The following RAD51B variants were observed in gnomAD, a reference collection of about 807,000 sequenced individuals.
The protein encoded by RAD51B is RAD51 paralog B.
In RAD51B, 38 loss-of-function variants were observed where a neutral mutation model predicts 42.2. The observed-to-expected ratio is 0.90, with a 90% confidence interval of 0.70 to 1.18. The LOEUF (loss-of-function observed/expected upper bound fraction) is 1.18. Among genes scored for constraint, RAD51B ranks in the 50% most tolerant of loss-of-function variants. RAD51B has a pLI of 0.00. For missense variants in RAD51B, 373 were observed against 400.7 expected (o/e 0.93, Z 0.59); for synonymous variants, 154 against 145.2 (o/e 1.06, Z -0.43).
chr14:68,080,410 A>G (rs2076895508), intron 7 of RAD51B, among the ~76,000 whole-genome samples: 1 of 152,158 alleles, frequency 6.6e-6, no homozygotes, highest in Admixed American at 6.5e-5. Flanking sequence ...CACATTTCAT[A>G]GTGCACTTGA....
intron 8 of RAD51B, among the ~76,000 whole-genome samples, chr14:68,379,443 C>G (rs558251204): frequency 1.1e-3 from 165 of 152,274 alleles, no homozygotes; most frequent in African/African-American, 3.9e-3. Flanking sequence ...AGGAAATCCC[C>G]TTTCTGGCTT....
At chr14:68,648,480 G>T (rs1440329584) in intron 10 of RAD51B, among the ~76,000 whole-genome samples, 3 of 150,736 alleles carry the variant, frequency 2.0e-5, no homozygotes, top group Admixed American at 1.3e-4. Context: ...ACCCTACTTT[G>T]GAGACCAGCC....
chr14:68,348,928 G>A (rs2082728774), intron 8 of RAD51B, among the ~76,000 whole-genome samples: 2 of 152,142 alleles, frequency 1.3e-5, no homozygotes, highest in Admixed American at 1.3e-4. Flanking sequence ...AACCTTTTCT[G>A]TAAAGGGCCA....
At chr14:67,947,302 G>A (rs561411900) in intron 7 of RAD51B, among the ~76,000 whole-genome samples, 2 of 152,176 alleles carry the variant, frequency 1.3e-5, no homozygotes, top group Admixed American at 6.5e-5. Flanking sequence ...TATTCCGGGG[G>A]TTAGGAAATA....
downstream of RAD51B, among the ~76,000 whole-genome samples, chr14:68,615,991 C>T (rs942350973): frequency 4.6e-5 from 7 of 152,104 alleles, no homozygotes; most frequent in Non-Finnish European, 1.0e-4. Context: ...TTACCTTTTG[C>T]ATCTTTCCTT....
chr14:68,505,855 A>G (rs1431841611), intron 10 of RAD51B, among the ~76,000 whole-genome samples: 2 of 152,194 alleles, frequency 1.3e-5, no homozygotes, highest in Non-Finnish European at 2.9e-5. Context: ...GCCCAGCCAG[A>G]TTAGCCAATC....
At chr14:68,305,403 G>C (rs1455920964) in intron 8 of RAD51B, among the ~76,000 whole-genome samples, 1 of 152,182 alleles carries the variant, frequency 6.6e-6, no homozygotes, top group Non-Finnish European at 1.5e-5. Context: ...TATCTGGTTG[G>C]AACCCTAGAA....
intron 10 of RAD51B, among the ~76,000 whole-genome samples, chr14:68,475,690 T>TA (rs1218535412): frequency 5.9e-5 from 9 of 151,752 alleles, no homozygotes; most frequent in African/African-American, 2.2e-4. Flanking sequence ...ACCTCCACTT[T>TA]TAAAAAAAAA....
chr14:68,078,650 A>G (rs1473551249), intron 7 of RAD51B, among the ~76,000 whole-genome samples: 2 of 152,192 alleles, frequency 1.3e-5, no homozygotes, highest in Non-Finnish European at 2.9e-5. Context: ...TTTGATTTCT[A>G]TTAATACTTG....
At chr14:68,178,242 A>G (rs2078997888) in intron 7 of RAD51B, among the ~76,000 whole-genome samples, 1 of 152,202 alleles carries the variant, frequency 6.6e-6, no homozygotes, top group South Asian at 2.1e-4. Flanking sequence ...ATATAAAATT[A>G]TTGTTTTCCA....
chr14:68,537,853 C>T (rs375193220), intron 10 of RAD51B, among the ~76,000 whole-genome samples: 3 of 151,710 alleles, frequency 2.0e-5, no homozygotes, highest in African/African-American at 4.8e-5. Flanking sequence ...AGTTTTCAAA[C>T]GAATTGGTTA....
chr14:68,548,351 G>A (rs1228483402), intron 10 of RAD51B, among the ~76,000 whole-genome samples: 1 of 148,736 alleles, frequency 6.7e-6, no homozygotes, highest in Non-Finnish European at 1.5e-5. Flanking sequence ...CTTCTACCCC[G>A]GCTCCCACTC....
chr14:68,446,865 C>CT (rs1292614063), intron 9 of RAD51B, among the ~76,000 whole-genome samples: 1 of 152,146 alleles, frequency 6.6e-6, no homozygotes, highest in Non-Finnish European at 1.5e-5. Context: ...AATAAATTCC[C>CT]TTTTTTGTTT....
intron 5 of RAD51B, among the ~76,000 whole-genome samples, chr14:67,868,581 A>G (rs1289588342): frequency 2.6e-5 from 4 of 152,258 alleles, no homozygotes; most frequent in South Asian, 4.1e-4. Context: ...GGTGGAGCCC[A>G]CCACAGCTCA....
chr14:68,632,681 C>T (rs545446194), intron 10 of RAD51B, among the ~76,000 whole-genome samples: 7 of 152,198 alleles, frequency 4.6e-5, no homozygotes, highest in Non-Finnish European at 8.8e-5. Context: ...TTGGCTGTGA[C>T]GATGGGAAGC....
chr14:68,238,814 T>C (rs1048558101), intron 7 of RAD51B, among the ~76,000 whole-genome samples: 3 of 152,196 alleles, frequency 2.0e-5, no homozygotes, highest in African/African-American at 7.2e-5. Context: ...ATTCCTGCAT[T>C]CCACCAGGGA....
At chr14:68,116,917 A>G (rs1468755132) in intron 7 of RAD51B, among the ~76,000 whole-genome samples, 1 of 152,208 alleles carries the variant, frequency 6.6e-6, no homozygotes, top group Non-Finnish European at 1.5e-5. Context: ...CATTTGAGGA[A>G]TTTGTAAGTA....
rs537461332 is a variant in RAD51B at position 68,417,619 on chromosome 14, C to T, written c.957+6092C>T. On this transcript the variant is annotated intron_variant, in intron 9 of 10. Transcript: ENST00000471583. ...CAAATGTATTAAAATCTGAGGAAAT[C>T]CTACGGAAAGTGTGTGGTCCCAGTG... Among the ~76,000 whole-genome samples the T allele has an allele frequency of 1.8e-4, 27 of 152,312 alleles. No individual in the cohort carries two copies. The South Asian group carries it at 5.4e-3, about 30-fold the overall frequency.
chr14:67,842,834 G>C (rs2041474687), intron 4 of RAD51B, among the ~76,000 whole-genome samples: 1 of 152,104 alleles, frequency 6.6e-6, no homozygotes, highest in Non-Finnish European at 1.5e-5. Flanking sequence ...AGTATTTTGA[G>C]GTATGTTCAT....
Sources: allele counts gnomAD v4.1 joint callset (sites outside exome capture counted in the v4.1 genomes callset), GRCh38; gene constraint gnomAD v4.1.1; transcripts MANE v1.5; gene names NCBI Gene and HGNC (gene_info 2026-07-23, HGNC 2026-07-21).